Variants in KCNQ2 observed in about 807,000 individuals in gnomAD.
KCNQ2 encodes potassium voltage-gated channel subfamily KQT member 2.
In KCNQ2, 14 loss-of-function variants were observed where a neutral mutation model predicts 84.8. The ratio of observed to expected loss-of-function variants is 0.17; its 90% confidence interval spans 0.11 to 0.26. The LOEUF (loss-of-function observed/expected upper bound fraction) is 0.26. Among genes scored for constraint, KCNQ2 ranks in the 10% least tolerant of loss-of-function variants. KCNQ2 has a pLI of 1.00. For synonymous variants in KCNQ2, 599 were observed against 554.1 expected, an observed-to-expected ratio of 1.08 and a Z score of -1.14; for missense variants, 788 against 1,254.0, an observed-to-expected ratio of 0.63 and a Z score of 5.61.
chr20:63,467,243 C>A (rs754264086), intron 1 of KCNQ2, among the ~76,000 whole-genome samples: 20 of 152,356 alleles, frequency 1.3e-4, no homozygotes, highest in Non-Finnish European at 2.6e-4. Context: ...ATATTCAAGG[C>A]CCCCACAGGT....
At chr20:63,442,728 T>A (rs62208030) in intron 4 of KCNQ2, among the ~76,000 whole-genome samples, 197 bp from the exon 5 acceptor site, 1 of 34,664 alleles carries the variant, frequency 2.9e-5, no homozygotes, top group East Asian at 1.1e-3. Flanking sequence ...ACCACCATCA[T>A]CACCACCTCC....
At chr20:63,416,170 G>A (rs1027174616) in intron 12 of KCNQ2, among the ~76,000 whole-genome samples, 1 of 152,152 alleles carries the variant, frequency 6.6e-6, no homozygotes, top group African/African-American at 2.4e-5. Context: ...GGCAGGGGGA[G>A]GCAGCCTCCA....
At chr20:63,436,039 T>C (rs2080990677) in intron 7 of KCNQ2, among the ~76,000 whole-genome samples, 1 of 150,990 alleles carries the variant, frequency 6.6e-6, no homozygotes, top group African/African-American at 2.4e-5. Context: ...TGTTGTGAAC[T>C]GTGTTGAAAT....
Position 63,403,718 on chromosome 20 carries a change from TGCAA to T in KCNQ2, c.*2922_*2925del, listed in dbSNP as rs2079856588. The T allele has an allele frequency of 6.6e-6, 1 of 152,328 alleles. No individual in the cohort carries two copies. The highest frequency in any genetic ancestry group is 1.5e-5 in the Non-Finnish European group (1 of 68,092). The allele number at this position is 152,328 out of a possible 1,614,324, so 9.4% of individuals were successfully genotyped here. The stretch of plus-strand genomic sequence containing the variant: ...GTGCTATGTGGTCTGTGTGCATGTG[TGCAA>T]GCGTGCATGTGTACGCCTGTATGCG... On this transcript the variant is annotated 3_prime_UTR_variant, in exon 17 of 17. Coordinates refer to ENST00000359125, the MANE Select transcript of KCNQ2 (RefSeq NM_172107.4).
In KCNQ2 at chr20:63,404,146, G is replaced by T. The variant is rs972210143; in HGVS notation, c.*2498C>A. 6.6e-6 allele frequency: 1 copy of T among 152,332 alleles called. No homozygotes were observed. The highest frequency in any genetic ancestry group is 2.4e-5 in the African/African-American group (1 of 41,464). The allele number at this position is 152,332 out of a possible 1,614,324, so 9.4% of individuals were successfully genotyped here. ...TGCTGGGCGGCCAGCTTCTGGGAGG[G>T]AAGGGATTGGCCTGTCTTCCTCATC... On this transcript the variant is annotated 3_prime_UTR_variant, in exon 17 of 17. Transcript: ENST00000359125.
At chr20:63,429,578 C>T (rs1254790529) in intron 9 of KCNQ2, among the ~76,000 whole-genome samples, 1 of 152,226 alleles carries the variant, frequency 6.6e-6, no homozygotes, top group Non-Finnish European at 1.5e-5. Context: ...TTCACCTGCC[C>T]TGCCTCTGCC....
chr20:63,402,128 C>A lies in KCNQ2; in HGVS notation c.*4516G>T, dbSNP rs2079822894. The stretch of plus-strand genomic sequence containing the variant: ...TCCCTCTCACACCACGTCTGCTGGG[C>A]ACCCTCCACCAGGTCCAAGTCTCGT... On this transcript the variant is annotated 3_prime_UTR_variant, in exon 17 of 17. Transcript: ENST00000359125. The A allele has an allele frequency of 6.1e-6, 1 of 165,038 alleles. No homozygotes were observed. The highest frequency in any genetic ancestry group is 1.1e-4 in the South Asian group (1 of 8,898). 10.2% of individuals were successfully genotyped at this position (165,038 alleles called of 1,614,324 possible). A position where few individuals can be genotyped will look rare whatever the true frequency, so the allele number is the denominator to read the frequency against.
rs1271943231 is a variant in KCNQ2 at position 63,445,370 on chromosome 20, G to A, written c.388-6C>T. The A allele has an allele frequency of 6.2e-7, 1 of 1,613,414 alleles. No homozygotes were observed. The highest frequency in any genetic ancestry group is 1.1e-5 in the South Asian group (1 of 91,080). On this transcript the variant is annotated splice_polypyrimidine_tract_variant and splice_region_variant and intron_variant, in intron 2 of 16. Coordinates refer to ENST00000359125, the MANE Select transcript of KCNQ2 (RefSeq NM_172107.4). Reference sequence around the variant, plus strand: ...ACCACGATAGTCACGATTTCCTGCAGGGGAGGAAAGCTGAGGCCACCTTGA... The same window carrying A: ...ACCACGATAGTCACGATTTCCTGCAAGGGAGGAAAGCTGAGGCCACCTTGA...
Position 63,472,626 on chromosome 20 carries a change from C to A in KCNQ2, c.-163G>T, listed in dbSNP as rs1394757977. On this transcript the variant is annotated 5_prime_UTR_variant, in exon 1 of 17. Coordinates refer to ENST00000359125, the MANE Select transcript of KCNQ2 (RefSeq NM_172107.4). The stretch of plus-strand genomic sequence containing the variant: ...TGGGCCGCGCGCGGAGACGCTGCGG[C>A]CACCTCGCTCCGCGCGCACCTCGGC... 8.8e-6 allele frequency: 3 copies of A among 340,230 alleles called. No homozygotes were observed. In the East Asian group the frequency reaches 4.4e-4, roughly 50 times the overall value. The allele number at this position is 340,230 out of a possible 1,614,324, so 21.1% of individuals were successfully genotyped here.
intron 1 of KCNQ2, among the ~76,000 whole-genome samples, chr20:63,459,691 G>A (rs1456972484): frequency 6.6e-6 from 1 of 152,092 alleles, no homozygotes; most frequent in Non-Finnish European, 1.5e-5. Flanking sequence ...CACTCTAAAC[G>A]CCTCTGAATT....
At position 63,433,857 on chromosome 20, in the gene KCNQ2, T is replaced by C. The variant is rs926865634; in HGVS notation, c.1070A>G (p.His357Arg). Residue 357 changes from histidine to arginine, a missense_variant, in exon 8 of 17, where the codon CAC (histidine) becomes CGC (arginine). Physicochemically the swap from His to Arg is conservative, Grantham distance 29. This residue lies in a region of KCNQ2 where 16 missense variants were observed against 38.7 expected (regional missense o/e 0.41). Coordinates refer to ENST00000359125, the MANE Select transcript of KCNQ2 (RefSeq NM_172107.4). ...YATNLSRTDL[H>R]STWQYYERTV... The stretch of plus-strand genomic sequence containing the variant: ...TCGCTCGTAGTACTGCCACGTGGAG[T>C]GCAGGTCTGTGCGCGAGAGGTTGGT... The C allele has an allele frequency of 6.2e-7, 1 of 1,613,656 alleles. No homozygotes were observed. Among genetic ancestry groups the C allele is most frequent in the Non-Finnish European group, 8.5e-7 (1 of 1,179,888 alleles).
In KCNQ2 at chr20:63,438,774, A is replaced by G; in HGVS notation, c.928-54T>C. On this transcript the variant is annotated intron_variant, in intron 6 of 16. Coordinates refer to ENST00000359125, the MANE Select transcript of KCNQ2 (RefSeq NM_172107.4). This position sits in a 1 kb window ranked among gnomAD's most constrained non-coding sequence, Gnocchi z 5.1. ...CCAGGGACCCCCCACACCCCAATTC[A>G]TCAGGGTCAGACCATGCTCTGGGGC... The G allele has an allele frequency of 1.4e-6, 2 of 1,460,728 alleles. No homozygotes were observed. The highest frequency in any genetic ancestry group is 1.9e-6 in the Non-Finnish European group (2 of 1,065,808). The allele number at this position is 1,460,728 out of a possible 1,614,324, so 90.5% of individuals were successfully genotyped here.
rs920009161 is a variant in KCNQ2, at chr20:63,472,286, C to T, written c.178G>A (p.Gly60Ser). 6.5e-7 allele frequency: 1 copy of T among 1,538,364 alleles called. No individual in the cohort carries two copies. The highest frequency in any genetic ancestry group is 8.8e-7 in the Non-Finnish European group (1 of 1,142,454). Residue 60 changes from glycine to serine, a missense_variant, in exon 1 of 17, where the codon GGC (glycine) becomes AGC (serine). Physicochemically the swap from Gly to Ser is moderately conservative, Grantham distance 56. Coordinates refer to ENST00000359125, the MANE Select transcript of KCNQ2 (RefSeq NM_172107.4). The part of the protein sequence containing the change: ...RGSILSKPRA[G>S]GAGAGKPPKR... ...GGGGGCTTCCCGGCGCCCGCGCCGCCCGCGCGAGGTTTGCTGAGGATGCTG... is the reference window on the plus strand; with the variant it reads ...GGGGGCTTCCCGGCGCCCGCGCCGCTCGCGCGAGGTTTGCTGAGGATGCTG...
At chr20:63,452,879 G>A (rs941962759) in intron 1 of KCNQ2, among the ~76,000 whole-genome samples, 3 of 149,888 alleles carry the variant, frequency 2.0e-5, no homozygotes, top group East Asian at 2.0e-4. Context: ...GCCTCAGCCC[G>A]GGACGACGCG....
Position 63,408,725 on chromosome 20 carries a change from C to T in KCNQ2, c.1764-189G>A, listed in dbSNP as rs543916785. Among the ~76,000 whole-genome samples the T allele has an allele frequency of 8.5e-5, 13 of 152,320 alleles. No homozygotes were observed. Among genetic ancestry groups the T allele is most frequent in the African/African-American group, 2.9e-4 (12 of 41,564 alleles). ...CCGTTCTCAGCCCGTCTTCTGGCAC[C>T]GTGAGGTTCTGCTCCTGCCCGCTCT... On this transcript the variant is annotated intron_variant, in intron 15 of 16. Coordinates refer to ENST00000359125, the MANE Select transcript of KCNQ2 (RefSeq NM_172107.4). This position sits in a 1 kb window ranked among gnomAD's most constrained non-coding sequence, Gnocchi z 5.0.
chr20:63,423,584 G>A (rs2080537581), intron 11 of KCNQ2: 1 of 152,818 alleles, frequency 6.5e-6, no homozygotes, highest in Non-Finnish European at 1.5e-5. Flanking sequence ...GAGGGAACCA[G>A]GCTAAGCACC....
chr20:63,453,064 C>T (rs891529087), intron 1 of KCNQ2, among the ~76,000 whole-genome samples: 5 of 152,182 alleles, frequency 3.3e-5, no homozygotes, highest in Admixed American at 6.5e-5. Flanking sequence ...CACCCCTCCC[C>T]GCCACCCCCA....
chr20:63,444,623 G>C, intron 4 of KCNQ2, 36 bp downstream of exon 4: 6 of 1,491,768 alleles, frequency 4.0e-6, no homozygotes, highest in Non-Finnish European at 5.4e-6. Context: ...TCGCTGGCTG[G>C]GGGCGCCCAC....
Position 63,414,850 on chromosome 20 carries a change from A to C in KCNQ2, c.1525+53T>G. The C allele has an allele frequency of 6.3e-7, 1 of 1,574,940 alleles. No individual in the cohort carries two copies. Among genetic ancestry groups the C allele is most frequent in the African/African-American group, 1.3e-5 (1 of 74,222 alleles). The stretch of plus-strand genomic sequence containing the variant: ...ACAGGGTGGCCACAGTAGCGTGGCC[A>C]CCACATCCATCCCCGGAGAGGATGG... On this transcript the variant is annotated intron_variant, in intron 13 of 16. Transcript: ENST00000359125. This position sits in a 1 kb window ranked among gnomAD's most constrained non-coding sequence, Gnocchi z 6.6.
Sources: allele counts gnomAD v4.1 joint callset (sites outside exome capture counted in the v4.1 genomes callset), GRCh38; gene constraint gnomAD v4.1.1; regional missense constraint gnomAD v4.1.1; non-coding constraint Gnocchi (gnomAD v3.1); transcripts MANE v1.5; gene names NCBI Gene and HGNC (gene_info 2026-07-23, HGNC 2026-07-21).